CFAP210: variants seen among roughly 807,000 people sequenced by gnomAD.
CFAP210 encodes the protein cilia and flagella associated protein 210, also known as cilia- and flagella- associated protein 210.
the CFAP210 span, chr2:169,649,161 T>TAAAC: frequency 1.3e-6 from 2 of 1,565,092 alleles, no homozygotes; most frequent in Non-Finnish European, 1.7e-6. Flanking sequence ...AACATAATTA[T>TAAAC]AAACATTCAG....
the CFAP210 span, among the ~76,000 whole-genome samples, chr2:169,663,687 GC>G: frequency 6.6e-6 from 1 of 151,920 alleles, no homozygotes; most frequent in African/African-American, 2.4e-5. Context: ...ATTCATCTGT[GC>G]AGAATAATAA....
At chr2:169,692,785 G>A in the CFAP210 span, among the ~76,000 whole-genome samples, 78 of 152,270 alleles carry the variant, frequency 5.1e-4, no homozygotes, top group African/African-American at 1.8e-3. Flanking sequence ...CAAACATGTC[G>A]AATAATAACA....
chr2:169,666,379 C>A, the CFAP210 span, among the ~76,000 whole-genome samples: 2 of 150,050 alleles, frequency 1.3e-5, no homozygotes, highest in South Asian at 2.2e-4. Context: ...TACAGGCATA[C>A]CTCAGAGATA....
chr2:169,678,341 C>CAAAAAA, the CFAP210 span, among the ~76,000 whole-genome samples: 6 of 88,206 alleles, frequency 6.8e-5, no homozygotes, highest in Non-Finnish European at 8.9e-5. Flanking sequence ...AACTCTGTTG[C>CAAAAAA]AAAAAAAAAA....
the CFAP210 span, chr2:169,654,269 A>G: frequency 2.8e-6 from 4 of 1,436,512 alleles, no homozygotes; most frequent in Non-Finnish European, 3.7e-6. Context: ...ATCTTTCAAC[A>G]TATCAGTAGC....
chr2:169,671,505 G>C, the CFAP210 span, among the ~76,000 whole-genome samples: 2 of 152,144 alleles, frequency 1.3e-5, no homozygotes, highest in African/African-American at 4.8e-5. Context: ...TGTCGCTCTT[G>C]TTGCCCAGGC....
chr2:169,663,374 T>A, the CFAP210 span, among the ~76,000 whole-genome samples: 2 of 152,014 alleles, frequency 1.3e-5, no homozygotes, highest in Non-Finnish European at 2.9e-5. Context: ...TTAAAAAAAT[T>A]TTTTTCTATA....
the CFAP210 span, among the ~76,000 whole-genome samples, chr2:169,671,157 T>C: frequency 6.6e-6 from 1 of 152,196 alleles, no homozygotes; most frequent in Non-Finnish European, 1.5e-5. Context: ...CAACCTTATC[T>C]TTCACAATGC....
At chr2:169,685,673 G>A in the CFAP210 span, among the ~76,000 whole-genome samples, 3 of 140,558 alleles carry the variant, frequency 2.1e-5, no homozygotes, top group Non-Finnish European at 4.9e-5. Flanking sequence ...CTAAGAAATT[G>A]TTGCCTAATC....
At chr2:169,672,827 C>T in the CFAP210 span, among the ~76,000 whole-genome samples, 3 of 152,062 alleles carry the variant, frequency 2.0e-5, no homozygotes, top group Admixed American at 6.5e-5. Flanking sequence ...CACCCAGAAA[C>T]GACACTTTAC....
the CFAP210 span, chr2:169,653,926 C>T: frequency 2.5e-6 from 2 of 800,216 alleles, no homozygotes; most frequent in Admixed American, 3.0e-5. Context: ...ATGATGTCCT[C>T]ACACCCACGT....
the CFAP210 span, among the ~76,000 whole-genome samples, chr2:169,651,875 C>CT: frequency 0.016 from 2,324 of 143,742 alleles, 53 homozygotes; most frequent in African/African-American, 0.05. Flanking sequence ...TATAAGGTTC[C>CT]TTTTTTTTTT....
the CFAP210 span, among the ~76,000 whole-genome samples, chr2:169,650,729 A>G: frequency 1.0e-5 from 1 of 96,398 alleles, no homozygotes; most frequent in East Asian, 2.9e-4. Flanking sequence ...AGTAATATGT[A>G]TAATCTGTGT....
the CFAP210 span, chr2:169,649,489 G>T: frequency 1.5e-6 from 1 of 674,812 alleles, no homozygotes; most frequent in Non-Finnish European, 2.5e-6. Flanking sequence ...CACCTGGGGT[G>T]GTTCCCATGC....
At chr2:169,690,869 G>A in the CFAP210 span, among the ~76,000 whole-genome samples, 2 of 152,188 alleles carry the variant, frequency 1.3e-5, no homozygotes, top group East Asian at 3.9e-4. Flanking sequence ...GATGTGTACA[G>A]CTGTTGATCT....
At chr2:169,667,082 C>T in the CFAP210 span, among the ~76,000 whole-genome samples, 15 of 151,994 alleles carry the variant, frequency 9.9e-5, no homozygotes, top group South Asian at 8.3e-4. Context: ...CAACTTCTTC[C>T]AAACTCTTAT....
At chr2:169,646,052 G>A in the CFAP210 span, 4 of 1,613,762 alleles carry the variant, frequency 2.5e-6, no homozygotes, top group Middle Eastern at 1.6e-4. Context: ...TGTTGTTTCC[G>A]ATTCAAGTTC....
the CFAP210 span, among the ~76,000 whole-genome samples, chr2:169,689,164 T>A: frequency 6.6e-6 from 1 of 152,234 alleles, no homozygotes. Context: ...GATTCAATTA[T>A]CTCCCCCTGG....
At chr2:169,650,772 T>TGTGTG in the CFAP210 span, among the ~76,000 whole-genome samples, 1 of 66,684 alleles carries the variant, frequency 1.5e-5, no homozygotes, top group Non-Finnish European at 3.3e-5. Flanking sequence ...GTGTGTGTGT[T>TGTGTG]TAAGAAATAA....
Sources: allele counts gnomAD v4.1 joint callset (sites outside exome capture counted in the v4.1 genomes callset), GRCh38; gene constraint gnomAD v4.1.1; transcripts MANE v1.5; gene names NCBI Gene and HGNC (gene_info 2026-07-23, HGNC 2026-07-21).